The following HEMK2 variants were observed in gnomAD, a reference collection of about 807,000 sequenced individuals.
HEMK2 encodes methyltransferase HEMK2.
chr21:28,738,588 T>C, the HEMK2 span, among the ~76,000 whole-genome samples: 1 of 152,200 alleles, frequency 6.6e-6, no homozygotes, highest in South Asian at 2.1e-4. Flanking sequence ...CACTTGGGTC[T>C]CCCTTTCTGT....
the HEMK2 span, among the ~76,000 whole-genome samples, chr21:28,587,900 T>C: frequency 1.3e-4 from 20 of 152,330 alleles, no homozygotes; most frequent in East Asian, 3.5e-3. Context: ...TTTGGTATTC[T>C]CCACATGCAG....
chr21:28,824,864 C>T, the HEMK2 span, among the ~76,000 whole-genome samples: 1 of 152,184 alleles, frequency 6.6e-6, no homozygotes, highest in African/African-American at 2.4e-5. Flanking sequence ...CATAAGGCAA[C>T]ATCACTGAAT....
At chr21:28,687,263 C>T in the HEMK2 span, among the ~76,000 whole-genome samples, 2 of 152,174 alleles carry the variant, frequency 1.3e-5, no homozygotes, top group Non-Finnish European at 2.9e-5. Context: ...ATGGCAATGG[C>T]AAACATACTG....
the HEMK2 span, chr21:28,873,392 C>T: frequency 1.3e-5 from 2 of 152,340 alleles, no homozygotes; most frequent in Admixed American, 6.5e-5. Context: ...GGAGGACATA[C>T]TTATGACAAT....
the HEMK2 span, among the ~76,000 whole-genome samples, chr21:28,682,353 T>C: frequency 4.6e-5 from 7 of 151,714 alleles, no homozygotes; most frequent in Non-Finnish European, 7.4e-5. Context: ...CACAATGAGA[T>C]ACCATCTCAC....
the HEMK2 span, among the ~76,000 whole-genome samples, chr21:28,677,443 C>T: frequency 6.6e-6 from 1 of 152,206 alleles, no homozygotes; most frequent in Admixed American, 6.5e-5. Context: ...AGGAGGCCTG[C>T]CTGGCTCTGT....
chr21:28,761,652 G>C, the HEMK2 span, among the ~76,000 whole-genome samples: 1 of 150,186 alleles, frequency 6.7e-6, no homozygotes, highest in African/African-American at 2.5e-5. Flanking sequence ...TAGGAAAACT[G>C]TATAAACTGG....
At chr21:28,802,640 G>T in the HEMK2 span, among the ~76,000 whole-genome samples, 1 of 152,094 alleles carries the variant, frequency 6.6e-6, no homozygotes, top group Admixed American at 6.6e-5. Flanking sequence ...CAGAGGCAGG[G>T]GAATCACTTG....
chr21:28,868,161 G>T, the HEMK2 span, among the ~76,000 whole-genome samples: 6 of 152,016 alleles, frequency 3.9e-5, no homozygotes, highest in African/African-American at 2.4e-5. Context: ...AATTACTGTT[G>T]TTTAATAATA....
At chr21:28,642,657 C>A in the HEMK2 span, among the ~76,000 whole-genome samples, 1 of 152,150 alleles carries the variant, frequency 6.6e-6, no homozygotes, top group Non-Finnish European at 1.5e-5. Flanking sequence ...CTTTACTGAG[C>A]GGAGGGTGGC....
chr21:28,730,188 G>C, the HEMK2 span, among the ~76,000 whole-genome samples: 3 of 143,138 alleles, frequency 2.1e-5, no homozygotes, highest in East Asian at 6.5e-4. Context: ...GACCAGCCTG[G>C]GGAGCATAGT....
At chr21:28,669,232 A>G in the HEMK2 span, among the ~76,000 whole-genome samples, 2 of 152,118 alleles carry the variant, frequency 1.3e-5, no homozygotes, top group African/African-American at 4.8e-5. Context: ...GGTGGTACAC[A>G]TATGTAATCC....
chr21:28,730,097 G>T, the HEMK2 span, among the ~76,000 whole-genome samples: 9 of 152,024 alleles, frequency 5.9e-5, no homozygotes, highest in South Asian at 6.2e-4. Context: ...AACAAACATT[G>T]CCGGGCTTGG....
the HEMK2 span, among the ~76,000 whole-genome samples, chr21:28,651,697 T>C: frequency 2.6e-5 from 4 of 152,248 alleles, no homozygotes; most frequent in Non-Finnish European, 5.9e-5. Flanking sequence ...TTTGTTTTCC[T>C]TGGAATCTCT....
At chr21:28,791,352 CTG>C in the HEMK2 span, among the ~76,000 whole-genome samples, 1 of 152,166 alleles carries the variant, frequency 6.6e-6, no homozygotes, top group Non-Finnish European at 1.5e-5. Context: ...AAAATTCACC[CTG>C]TGTTTCTGAG....
At chr21:28,813,205 A>G in the HEMK2 span, among the ~76,000 whole-genome samples, 2 of 152,302 alleles carry the variant, frequency 1.3e-5, no homozygotes, top group African/African-American at 2.4e-5. Flanking sequence ...AGAAAACCCT[A>G]TCGTCTCAGC....
chr21:28,798,214 A>C, the HEMK2 span, among the ~76,000 whole-genome samples: 5 of 152,166 alleles, frequency 3.3e-5, no homozygotes, highest in African/African-American at 1.2e-4. Context: ...GGGTTTGAGG[A>C]GGGTGTTTAA....
chr21:28,736,950 T>C, the HEMK2 span, among the ~76,000 whole-genome samples: 3 of 152,326 alleles, frequency 2.0e-5, no homozygotes, highest in Middle Eastern at 0.01. Context: ...GACTGAATAG[T>C]TCCCACCTCC....
the HEMK2 span, among the ~76,000 whole-genome samples, chr21:28,858,592 A>C: frequency 6.6e-6 from 1 of 151,660 alleles, no homozygotes; most frequent in Admixed American, 6.6e-5. Flanking sequence ...GGAAGGAAGG[A>C]GGGAGGGACG....
Sources: gnomAD v4.1 joint callset for allele counts (sites outside exome capture counted in the v4.1 genomes callset) on GRCh38, gnomAD v4.1.1 for gene constraint, MANE v1.5 for transcripts, NCBI Gene and HGNC (gene_info 2026-07-23, HGNC 2026-07-21) for gene names.